The following CPPED1 variants were observed in gnomAD, a reference collection of about 807,000 sequenced individuals.
The protein encoded by CPPED1 is serine/threonine-protein phosphatase CPPED1.
In CPPED1, 28 loss-of-function variants were observed where a neutral mutation model predicts 28.0. The ratio of observed to expected loss-of-function variants is 1.00; its 90% CI spans 0.74 to 1.37. CPPED1 has a LOEUF of 1.37. Among genes scored for constraint, CPPED1 ranks in the 40% most tolerant of loss-of-function variants. CPPED1 has a pLI of 0.00. For missense variants in CPPED1, 504 were observed against 416.5 expected, an observed-to-expected ratio of 1.21 and a Z score of -1.83; for synonymous variants, 198 against 180.2, an observed-to-expected ratio of 1.10 and a Z score of -0.79.
At chr16:12,710,381 T>G (rs978782962) in intron 2 of CPPED1, among the ~76,000 whole-genome samples, 1 of 149,360 alleles carries the variant, frequency 6.7e-6, no homozygotes, top group Non-Finnish European at 1.5e-5. Flanking sequence ...GGGAAAAGAC[T>G]AGGAGAGAAA....
chr16:12,755,164 G>A (rs1286070242), intron 2 of CPPED1, among the ~76,000 whole-genome samples: 1 of 152,070 alleles, frequency 6.6e-6, no homozygotes, highest in Non-Finnish European at 1.5e-5. Context: ...CATCTCTGAT[G>A]GGTCCCTTCT....
At chr16:12,668,841 C>G (rs528149602) in intron 3 of CPPED1, among the ~76,000 whole-genome samples, 5 of 152,334 alleles carry the variant, frequency 3.3e-5, no homozygotes, top group Admixed American at 6.5e-5. Flanking sequence ...CAAGTGTTTA[C>G]AGGGATTTGG....
chr16:12,747,432 A>AAAATAAATAAAT lies in CPPED1; in HGVS notation c.289+33741_289+33752dup, dbSNP rs55706541. 3.6e-3 allele frequency among the ~76,000 whole-genome samples: 529 copies of AAAATAAATAAAT among 145,136 alleles called. 3 individuals carry two copies. The highest frequency in any genetic ancestry group is 7.0e-3 in the African/African-American group (276 of 39,620). ...GGACGAAAAGGGGGACTCTGTTTTAAAAATAAATAAATAAATAAATAAATA... is the reference window on the plus strand; with the variant it reads ...GGACGAAAAGGGGGACTCTGTTTTAAAAATAAATAAATAAATAAATAAATAAATAAATAAATA... On this transcript the variant is annotated intron_variant, in intron 2 of 3. Coordinates refer to ENST00000381774, the MANE Select transcript of CPPED1 (RefSeq NM_018340.3).
rs180969363 is a variant in CPPED1 at position 12,740,166 on chromosome 16, G to A, written c.290-35117C>T. 1.3e-3 allele frequency among the ~76,000 whole-genome samples: 201 copies of A among 152,284 alleles called. 5 individuals carry two copies. In the East Asian group the frequency reaches 0.029, roughly 22 times the overall value. On this transcript the variant is annotated intron_variant, in intron 2 of 3. Transcript: ENST00000381774. ...CTGCTTTATTTAAGATACTTTTTAG[G>A]CCGGGCGCAGTGGCTCATGGCTGTA...
intron 3 of CPPED1, among the ~76,000 whole-genome samples, chr16:12,698,064 G>A (rs1331607710): frequency 1.3e-5 from 2 of 152,050 alleles, no homozygotes; most frequent in East Asian, 3.9e-4. Flanking sequence ...GAGTCAAGAT[G>A]GCACCACTGC....
At chr16:12,780,117 C>G (rs968244688) in intron 2 of CPPED1, among the ~76,000 whole-genome samples, 1 of 152,254 alleles carries the variant, frequency 6.6e-6, no homozygotes, top group South Asian at 2.1e-4. Context: ...TGACCCCACA[C>G]TCTGGTGGAA....
intron 3 of CPPED1, among the ~76,000 whole-genome samples, chr16:12,694,306 G>C (rs543484302): frequency 6.6e-6 from 1 of 152,336 alleles, no homozygotes; most frequent in East Asian, 1.9e-4. Flanking sequence ...TCCATCCTCA[G>C]TGCCTAGCGT....
intron 1 of CPPED1, among the ~76,000 whole-genome samples, chr16:12,800,361 G>A (rs538502816): frequency 1.7e-4 from 26 of 151,694 alleles, no homozygotes; most frequent in African/African-American, 6.0e-4. Flanking sequence ...TCGTTTGAAC[G>A]TGGGAGGTGG....
chr16:12,669,284 C>A (rs1459687275), intron 3 of CPPED1, among the ~76,000 whole-genome samples: 1 of 152,012 alleles, frequency 6.6e-6, no homozygotes, highest in Non-Finnish European at 1.5e-5. Flanking sequence ...ATAGCTAAAT[C>A]CATAGAGAAA....
rs746018723 is a variant in CPPED1 at position 12,665,003 on chromosome 16, G to A, written c.828C>T (p.His276=). 2.0e-5 allele frequency: 32 copies of A among 1,611,522 alleles called. No homozygotes were observed. Among genetic ancestry groups the A allele is most frequent in the African/African-American group, 8.0e-5 (6 of 74,598 alleles). The change falls in exon 4 of 4, where the codon CAC becomes CAT. Residue 276 remains histidine (H), a synonymous_variant. Transcript: ENST00000381774. ...AIGCQLGRDP[H]GLRVVVVTAE... is the part of the protein sequence containing the mutation. Reference sequence around the variant, plus strand: ...CGGTGACCACCACGACTCGGAGCCCGTGGGGGTCTCTGCCCAGCTGGCATC... The same window carrying A: ...CGGTGACCACCACGACTCGGAGCCCATGGGGGTCTCTGCCCAGCTGGCATC...
At chr16:12,747,836 A>G (rs77027954) in intron 2 of CPPED1, among the ~76,000 whole-genome samples, 1 of 152,302 alleles carries the variant, frequency 6.6e-6, no homozygotes, top group East Asian at 1.9e-4. Flanking sequence ...AGTTCATTGC[A>G]TGTTAAATAT....
At chr16:12,787,776 G>C (rs982054882) in intron 1 of CPPED1, among the ~76,000 whole-genome samples, 1 of 152,168 alleles carries the variant, frequency 6.6e-6, no homozygotes, top group African/African-American at 2.4e-5. Context: ...GTCTACTGCT[G>C]TGTAACAAAC....
In CPPED1 at chr16:12,742,580, G is replaced by C. The variant is rs1596467452; in HGVS notation, c.290-37531C>G. ...GCTTTCACTGTTCCTTTCCTATGGT[G>C]ATCAATGACCATTTATTGGGTGATA... On this transcript the variant is annotated intron_variant, in intron 2 of 3. Coordinates refer to ENST00000381774, the MANE Select transcript of CPPED1 (RefSeq NM_018340.3). 2.0e-5 allele frequency among the ~76,000 whole-genome samples: 3 copies of C among 152,230 alleles called. 1 individual carries two copies. In the South Asian group the frequency reaches 6.2e-4, roughly 32 times the overall value.
intron 2 of CPPED1, among the ~76,000 whole-genome samples, chr16:12,766,256 T>TAC: frequency 7.4e-6 from 1 of 134,254 alleles, no homozygotes; most frequent in Non-Finnish European, 1.5e-5. Context: ...TATATATATA[T>TAC]AGAGAGAGAG....
chr16:12,697,464 G>A (rs973688323), intron 3 of CPPED1, among the ~76,000 whole-genome samples: 2 of 152,234 alleles, frequency 1.3e-5, no homozygotes, highest in East Asian at 1.9e-4. Context: ...CTTGTTCTGG[G>A]CAGACCTTTC....
intron 2 of CPPED1, among the ~76,000 whole-genome samples, chr16:12,711,697 G>A (rs1297402289): frequency 3.3e-5 from 5 of 152,084 alleles, no homozygotes; most frequent in Non-Finnish European, 5.9e-5. Flanking sequence ...GGCTTTTCAA[G>A]GGGATCCATA....
chr16:12,674,557 C>T (rs546343045), intron 3 of CPPED1, among the ~76,000 whole-genome samples: 2 of 152,076 alleles, frequency 1.3e-5, no homozygotes, highest in Admixed American at 6.6e-5. Context: ...TGAAAGGAGG[C>T]GGGGCCTGGA....
At chr16:12,706,030 T>C (rs187990266) in intron 2 of CPPED1, among the ~76,000 whole-genome samples, 1 of 152,208 alleles carries the variant, frequency 6.6e-6, no homozygotes, top group African/African-American at 2.4e-5. Context: ...TTTAGTTACA[T>C]TGTTAGACGT....
chr16:12,760,618 A>G (rs1379836452), intron 2 of CPPED1: 1 of 152,140 alleles, frequency 6.6e-6, no homozygotes, highest in Non-Finnish European at 1.5e-5. Context: ...ATCGAAAATG[A>G]CACAACTGTC....
Sources: gnomAD v4.1 joint callset for allele counts (sites outside exome capture counted in the v4.1 genomes callset) on GRCh38, gnomAD v4.1.1 for gene constraint, MANE v1.5 for transcripts, NCBI Gene and HGNC (gene_info 2026-07-23, HGNC 2026-07-21) for gene names.